The following PIGU variants were observed in gnomAD, a reference collection of about 807,000 sequenced individuals.
The protein encoded by PIGU is GPI-anchor transamidase component PIGU.
Under a neutral mutation model 49.9 loss-of-function variants are expected in PIGU, and 24 were observed. That is an observed-to-expected ratio of 0.48 (90% CI 0.35 to 0.68). The LOEUF (loss-of-function observed/expected upper bound fraction) is 0.68. Among genes scored for constraint, PIGU ranks in the 30% least tolerant of loss-of-function variants. The pLI is 0.01. For synonymous variants in PIGU, 220 were observed against 205.7 expected (o/e 1.07, Z -0.59); for missense variants, 490 against 532.6 (o/e 0.92, Z 0.79).
chr20:34,561,538 A>G (rs1168485080), intron 11 of PIGU, among the ~76,000 whole-genome samples: 4 of 152,034 alleles, frequency 2.6e-5, no homozygotes, highest in African/African-American at 9.7e-5. Flanking sequence ...CCTAAACAAC[A>G]GCAAAGCTTG....
At chr20:34,646,790 A>T (rs1986359931) in intron 2 of PIGU, among the ~76,000 whole-genome samples, 1 of 152,128 alleles carries the variant, frequency 6.6e-6, no homozygotes, top group East Asian at 1.9e-4. Context: ...AAAATGTACC[A>T]TGTTCAATTT....
At chr20:34,658,275 G>A (rs1403848937) in intron 1 of PIGU, among the ~76,000 whole-genome samples, 1 of 152,346 alleles carries the variant, frequency 6.6e-6, no homozygotes, top group East Asian at 1.9e-4. Flanking sequence ...GATTGCAGAC[G>A]GAGTCTCGTT....
At chr20:34,661,317 T>TAA (rs773975733) in intron 1 of PIGU, among the ~76,000 whole-genome samples, 2 of 152,136 alleles carry the variant, frequency 1.3e-5, no homozygotes, top group Non-Finnish European at 2.9e-5. Context: ...ACCCAGGTAA[T>TAA]AAGCACAGTA....
At chr20:34,584,879 G>T (rs1268972474) in intron 9 of PIGU, among the ~76,000 whole-genome samples, 1 of 152,102 alleles carries the variant, frequency 6.6e-6, no homozygotes, top group Admixed American at 6.5e-5. Flanking sequence ...GTAGAGACAG[G>T]GTTTCACCAT....
intron 1 of PIGU, among the ~76,000 whole-genome samples, chr20:34,671,030 A>G (rs745834804): frequency 1.2e-4 from 18 of 152,226 alleles, no homozygotes; most frequent in Non-Finnish European, 1.9e-4. Context: ...ACAAGATGAT[A>G]CTGGTGGAAC....
At chr20:34,574,938 G>A (rs1983160639) in intron 11 of PIGU, among the ~76,000 whole-genome samples, 166 bp downstream of exon 11, 1 of 152,154 alleles carries the variant, frequency 6.6e-6, no homozygotes, top group African/African-American at 2.4e-5. Context: ...GCCTTACACT[G>A]CTCTTACTTC....
In PIGU at chr20:34,625,401, A is replaced by G. The variant is rs555714732; in HGVS notation, c.529+9214T>C. On this transcript the variant is annotated intron_variant, in intron 6 of 11. Transcript: ENST00000217446. ...AAAAAAACAAAAAAAAAAAAACTAC[A>G]TATCTATACGAAAAGGAAATAAAAC... 7.3e-4 allele frequency among the ~76,000 whole-genome samples: 111 copies of G among 151,542 alleles called. 1 individual carries two copies. Among genetic ancestry groups the G allele is most frequent in the Non-Finnish European group, 1.4e-3 (98 of 67,892 alleles).
intron 6 of PIGU, among the ~76,000 whole-genome samples, chr20:34,620,039 C>T (rs368206603): frequency 1.3e-5 from 2 of 152,180 alleles, no homozygotes; most frequent in East Asian, 1.9e-4. Flanking sequence ...TCCTCCTTAG[C>T]GGTCTCCCAA....
intron 6 of PIGU, among the ~76,000 whole-genome samples, chr20:34,623,521 AAGAC>A (rs1319760765): frequency 1.3e-5 from 2 of 152,176 alleles, no homozygotes; most frequent in African/African-American, 4.8e-5. Flanking sequence ...ATGAAACTGA[AAGAC>A]AGAGAAGTTA....
At chr20:34,571,574 C>T (rs1413199559) in intron 11 of PIGU, among the ~76,000 whole-genome samples, 1 of 152,132 alleles carries the variant, frequency 6.6e-6, no homozygotes, top group Non-Finnish European at 1.5e-5. Flanking sequence ...ATACCAGGCA[C>T]CTTCCTAGCT....
At chr20:34,562,028 A>AGTCT (rs1235130380) in intron 11 of PIGU, among the ~76,000 whole-genome samples, 1 of 152,324 alleles carries the variant, frequency 6.6e-6, no homozygotes, top group Admixed American at 6.5e-5. Flanking sequence ...TGCCCAGCTC[A>AGTCT]GTCTGTCTGT....
intron 1 of PIGU, among the ~76,000 whole-genome samples, chr20:34,676,668 A>G (rs932760765): frequency 6.7e-6 from 1 of 150,310 alleles, no homozygotes; most frequent in Non-Finnish European, 1.5e-5. Flanking sequence ...CACAGACCAC[A>G]CTCCTCGGCT....
chr20:34,658,391 T>C (rs1361967195), intron 1 of PIGU, among the ~76,000 whole-genome samples: 2 of 152,178 alleles, frequency 1.3e-5, no homozygotes, highest in African/African-American at 2.4e-5. Context: ...AGTGCCGAGA[T>C]TGCAGCCTCT....
chr20:34,667,686 A>T (rs1987146131), intron 1 of PIGU, among the ~76,000 whole-genome samples: 1 of 152,348 alleles, frequency 6.6e-6, no homozygotes, highest in Admixed American at 6.5e-5. Context: ...TTAATTATTA[A>T]ATAAAAATGA....
intron 6 of PIGU, among the ~76,000 whole-genome samples, chr20:34,622,814 C>T (rs1985295870): frequency 6.6e-6 from 1 of 152,136 alleles, no homozygotes; most frequent in African/African-American, 2.4e-5. Context: ...TCTATATAAG[C>T]CTTGATATTT....
At chr20:34,597,131 C>T (rs1984232290) in intron 7 of PIGU, among the ~76,000 whole-genome samples, 1 of 152,086 alleles carries the variant, frequency 6.6e-6, no homozygotes, top group Non-Finnish European at 1.5e-5. Context: ...CCCAAAAATT[C>T]TGCTAGGTAC....
At chr20:34,621,077 T>C (rs1164815111) in intron 6 of PIGU, among the ~76,000 whole-genome samples, 1 of 152,130 alleles carries the variant, frequency 6.6e-6, no homozygotes, top group East Asian at 1.9e-4. Flanking sequence ...TGCTATCTTA[T>C]AATAATCTGC....
intron 11 of PIGU, among the ~76,000 whole-genome samples, chr20:34,565,968 CA>C (rs1000477406): frequency 1.3e-5 from 2 of 152,174 alleles, no homozygotes; most frequent in Non-Finnish European, 2.9e-5. Context: ...CATACACGCA[CA>C]CAGGTGCACA....
At chr20:34,649,848 CTTTTTTTTTT>C (rs1243838081) in intron 2 of PIGU, among the ~76,000 whole-genome samples, 78 of 105,682 alleles carry the variant, frequency 7.4e-4, no homozygotes, top group African/African-American at 2.5e-3. Context: ...CTATTACATT[CTTTTTTTTTT>C]TTTTTTTTGA....
Sources: allele counts gnomAD v4.1 joint callset (sites outside exome capture counted in the v4.1 genomes callset), GRCh38; gene constraint gnomAD v4.1.1; transcripts MANE v1.5; gene names NCBI Gene and HGNC (gene_info 2026-07-23, HGNC 2026-07-21).